The following FRMD4A variants were observed in gnomAD, a reference collection of about 807,000 sequenced individuals.
FRMD4A encodes the protein FERM domain containing 4A.
In FRMD4A, 29 loss-of-function variants were observed where a neutral mutation model predicts 129.1. That is an observed-to-expected ratio of 0.22 (90% CI 0.17 to 0.31). FRMD4A has a LOEUF of 0.31. FRMD4A is among the 10% of genes least tolerant of loss of function. The pLI is 1.00. For synonymous variants in FRMD4A, 634 were observed against 571.6 expected (o/e 1.11, Z -1.56); for missense variants, 1,272 against 1,375.8 (o/e 0.92, Z 1.19).
chr10:13,763,890 C>T (rs532020151), intron 6 of FRMD4A, among the ~76,000 whole-genome samples: 10 of 152,050 alleles, frequency 6.6e-5, no homozygotes, highest in African/African-American at 2.4e-4. Context: ...CATACACCAC[C>T]ACACCGGATA....
At chr10:13,843,301 C>T (rs2093995964) in intron 3 of FRMD4A, among the ~76,000 whole-genome samples, 1 of 152,092 alleles carries the variant, frequency 6.6e-6, no homozygotes, top group Non-Finnish European at 1.5e-5. Flanking sequence ...TTGTCTAGGA[C>T]CACACTTTGA....
chr10:13,971,655 C>T, intron 2 of FRMD4A: 2 of 1,302,180 alleles, frequency 1.5e-6, no homozygotes, highest in African/African-American at 1.5e-5. Context: ...TCTGGTCCCA[C>T]CTGATAGACG....
chr10:13,705,162 C>T (rs1282180839), intron 13 of FRMD4A, among the ~76,000 whole-genome samples: 1 of 152,182 alleles, frequency 6.6e-6, no homozygotes, highest in East Asian at 1.9e-4. Flanking sequence ...TCCTTCCTTC[C>T]CCGCCACAGC....
intron 2 of FRMD4A, among the ~76,000 whole-genome samples, chr10:13,912,924 T>G (rs2094958750): frequency 6.6e-6 from 1 of 151,758 alleles, no homozygotes; most frequent in Admixed American, 6.6e-5. Context: ...AAATACAAAA[T>G]TAGCTGGGTG....
intron 4 of FRMD4A, among the ~76,000 whole-genome samples, chr10:13,807,637 G>A (rs2093377983): frequency 6.6e-6 from 1 of 152,148 alleles, no homozygotes; most frequent in African/African-American, 2.4e-5. Context: ...AACTTATGGA[G>A]TGAGAGAAGC....
intron 2 of FRMD4A, among the ~76,000 whole-genome samples, chr10:14,014,025 C>G (rs2095690295): frequency 6.6e-6 from 1 of 152,194 alleles, no homozygotes; most frequent in South Asian, 2.1e-4. Context: ...GGCCTCTGGT[C>G]CACTTCAGCC....
chr10:13,871,777 G>C (rs1199514447), intron 2 of FRMD4A, among the ~76,000 whole-genome samples: 1 of 152,210 alleles, frequency 6.6e-6, no homozygotes, highest in African/African-American at 2.4e-5. Context: ...CCAAGCGTGG[G>C]AAGGAGGCTC....
chr10:14,124,189 T>A (rs1838697578), intron 2 of FRMD4A, among the ~76,000 whole-genome samples: 1 of 151,998 alleles, frequency 6.6e-6, no homozygotes, highest in African/African-American at 2.4e-5. Flanking sequence ...CAGATCAGAG[T>A]CAGGAGACAC....
chr10:13,862,198 C>T (rs1306615220), intron 2 of FRMD4A, among the ~76,000 whole-genome samples: 1 of 152,150 alleles, frequency 6.6e-6, no homozygotes, highest in African/African-American at 2.4e-5. Flanking sequence ...TAAAACAGTT[C>T]TGAGCTTCGT....
chr10:14,307,014 G>A (rs1846375563), intron 2 of FRMD4A, among the ~76,000 whole-genome samples: 2 of 152,062 alleles, frequency 1.3e-5, no homozygotes, highest in African/African-American at 4.8e-5. Context: ...TAGGAACCAG[G>A]GACATGCAAA....
intron 2 of FRMD4A, among the ~76,000 whole-genome samples, chr10:14,128,561 G>A (rs1028554877): frequency 1.3e-5 from 2 of 152,128 alleles, no homozygotes; most frequent in African/African-American, 2.4e-5. Flanking sequence ...TTCCTGTGAC[G>A]ATACAATAAA....
At chr10:13,749,714 C>A (rs575645999) in intron 8 of FRMD4A, among the ~76,000 whole-genome samples, 2 of 151,986 alleles carry the variant, frequency 1.3e-5, no homozygotes, top group Non-Finnish European at 2.9e-5. Flanking sequence ...TGAGGCCAGG[C>A]GTGGTGGCTC....
At position 14,129,404 on chromosome 10, in the gene FRMD4A, AT is replaced by A. The variant is rs1564321883; in HGVS notation, c.45+200653del. Among the ~76,000 whole-genome samples, 378 of 126,726 alleles carry A rather than the reference AT, an allele frequency of 3.0e-3. 2 individuals are homozygous for A. Among genetic ancestry groups the A allele is most frequent in the Non-Finnish European group, 3.8e-3 (240 of 63,646 alleles). 83.1% of individuals were successfully genotyped at this position (126,726 alleles called of 152,430 possible). A position where few individuals can be genotyped will look rare whatever the true frequency, so the allele number is the denominator to read the frequency against. On this transcript the variant is annotated intron_variant, in intron 2 of 24. Coordinates refer to ENST00000357447, the MANE Select transcript of FRMD4A (RefSeq NM_018027.5). ...TATATATATATATATATATATATATATATAAAAAATATGAGCTGTAGAACAT... is the reference window on the plus strand; with the variant it reads ...TATATATATATATATATATATATATAATAAAAAATATGAGCTGTAGAACAT...
chr10:14,018,323 G>A lies in FRMD4A; in HGVS notation c.46-159411C>T, dbSNP rs190632451. Among the ~76,000 whole-genome samples the A allele has an allele frequency of 6.7e-4, 101 of 151,778 alleles. 1 individual carries two copies. Among genetic ancestry groups the A allele is most frequent in the Non-Finnish European group, 7.8e-4 (53 of 67,922 alleles). ...AAAAAAAAATTAGCCGGGCATGGTG[G>A]CAGGCGTCTGTAGTCCCAGCTACTC... On this transcript the variant is annotated intron_variant, in intron 2 of 24. Transcript: ENST00000357447.
intron 2 of FRMD4A, among the ~76,000 whole-genome samples, chr10:14,059,738 T>C (rs74122454): frequency 6.6e-6 from 1 of 152,210 alleles, no homozygotes; most frequent in East Asian, 1.9e-4. Context: ...CGGAAGCTTC[T>C]CACGAGCATC....
intron 2 of FRMD4A, among the ~76,000 whole-genome samples, chr10:14,210,193 A>C (rs1245191115): frequency 2.6e-5 from 4 of 152,150 alleles, no homozygotes; most frequent in African/African-American, 9.7e-5. Context: ...TGGTATTAGG[A>C]GATAAGGCCT....
At chr10:14,305,636 T>C (rs1846324621) in intron 2 of FRMD4A, among the ~76,000 whole-genome samples, 1 of 152,114 alleles carries the variant, frequency 6.6e-6, no homozygotes, top group Admixed American at 6.5e-5. Context: ...CTACAGAGAG[T>C]GAGACTCTAT....
intron 2 of FRMD4A, among the ~76,000 whole-genome samples, chr10:13,948,927 G>C (rs1050259126): frequency 6.6e-6 from 1 of 150,394 alleles, no homozygotes; most frequent in African/African-American, 2.4e-5. Context: ...TGGGATTACA[G>C]GTGTGAGCCA....
intron 6 of FRMD4A, among the ~76,000 whole-genome samples, chr10:13,770,204 G>C (rs1288554328): frequency 6.6e-6 from 1 of 152,102 alleles, no homozygotes; most frequent in African/African-American, 2.4e-5. Flanking sequence ...CTGTGGTGCA[G>C]GATGAGACTG....
Sources: gnomAD v4.1 joint callset for allele counts (sites outside exome capture counted in the v4.1 genomes callset) on GRCh38, gnomAD v4.1.1 for gene constraint, MANE v1.5 for transcripts, NCBI Gene and HGNC (gene_info 2026-07-23, HGNC 2026-07-21) for gene names.